The following ITGAM variants were observed in gnomAD, a reference collection of about 807,000 sequenced individuals.
ITGAM encodes integrin subunit alpha M.
Under a neutral mutation model 137.5 loss-of-function variants are expected in ITGAM, and 79 were observed. That is an observed-to-expected ratio of 0.57 (90% confidence interval 0.48 to 0.69). ITGAM has a LOEUF of 0.69. Ranked by LOEUF, ITGAM falls within the 30% of genes least tolerant of loss-of-function variation. The pLI is 0.00. For missense variants in ITGAM, 1,343 were observed against 1,483.5 expected (o/e 0.91, Z 1.56); for synonymous variants, 583 against 592.3 (o/e 0.98, Z 0.23).
intron 14 of ITGAM, among the ~76,000 whole-genome samples, chr16:31,302,354 A>G (rs932318051): frequency 1.3e-5 from 2 of 152,120 alleles, no homozygotes; most frequent in African/African-American, 2.4e-5. Context: ...AATTAGCCAA[A>G]GGAAGAACAA....
chr16:31,331,538 C>T (rs1402285961), intron 29 of ITGAM, 98 bp from the exon 30 acceptor site: 1 of 724,864 alleles, frequency 1.4e-6, no homozygotes, highest in Non-Finnish European at 2.4e-6. Flanking sequence ...TCCTGGGTCC[C>T]TTCTGTCTCT....
chr16:31,293,619 T>C (rs1319797876), intron 12 of ITGAM, among the ~76,000 whole-genome samples: 2 of 152,196 alleles, frequency 1.3e-5, no homozygotes, highest in African/African-American at 4.8e-5. Context: ...ACCAGTATCA[T>C]GCTGTTTTGG....
chr16:31,330,361 C>T lies in ITGAM; in HGVS notation c.3114C>T (p.Gly1038=), dbSNP rs781270444. ...QRIQCDIPFF[G]IQEEFNATLK... ...TCCAGTGTGACATCCCGTTCTTTGG[C>T]ATCCAGGAAGAATTCAATGCTACCC... Residue 1038 remains glycine (G), a synonymous_variant, in exon 27 of 30, where the codon GGC becomes GGT. Coordinates refer to ENST00000544665, the MANE Select transcript of ITGAM (RefSeq NM_000632.4). The T allele has an allele frequency of 3.1e-6, 5 of 1,613,896 alleles. No individual in the cohort carries two copies. The African/African-American group carries it at 5.3e-5, about 17-fold the overall frequency.
chr16:31,275,274 C>G (rs2079894064), intron 8 of ITGAM, among the ~76,000 whole-genome samples: 1 of 151,514 alleles, frequency 6.6e-6, no homozygotes, highest in African/African-American at 2.4e-5. Context: ...GAAAAAGGCT[C>G]CCCTTCCTCT....
chr16:31,331,188 C>A lies in ITGAM; in HGVS notation c.3300C>A (p.Phe1100Leu). The part of the protein sequence containing the change: ...RSQTETKVEP[F>L]EVPNPLPLIV... ...AGACGGAGACCAAAGTGGAGCCGTT[C>A]GAGGTCCCCAACCCCCTGCCGCTCA... The change falls in exon 29 of 30, where the codon TTC (phenylalanine) becomes TTA (leucine). Residue 1100 changes from phenylalanine (F) to leucine (L), a missense_variant. Physicochemically the swap from Phe to Leu is conservative, Grantham distance 22. Coordinates refer to ENST00000544665, the MANE Select transcript of ITGAM (RefSeq NM_000632.4). The A allele has an allele frequency of 1.2e-6, 2 of 1,611,982 alleles. No individual in the cohort carries two copies. Among genetic ancestry groups the A allele is most frequent in the Admixed American group, 1.7e-5 (1 of 59,962 alleles).
intron 2 of ITGAM, among the ~76,000 whole-genome samples, chr16:31,264,993 A>G (rs1394560212): frequency 6.6e-6 from 1 of 151,808 alleles, no homozygotes; most frequent in African/African-American, 2.4e-5. Flanking sequence ...TCAGCCTCCC[A>G]TTTAGCTGGG....
chr16:31,266,689 G>A (rs967916308), intron 5 of ITGAM, among the ~76,000 whole-genome samples: 1 of 152,010 alleles, frequency 6.6e-6, no homozygotes, highest in African/African-American at 2.4e-5. Flanking sequence ...CAACCTGGGT[G>A]ACAGAGCAAG....
At chr16:31,308,189 T>C (rs1349399576) in intron 14 of ITGAM, among the ~76,000 whole-genome samples, 2 of 152,200 alleles carry the variant, frequency 1.3e-5, no homozygotes, top group African/African-American at 2.4e-5. Flanking sequence ...GATTCCCTCT[T>C]TTTCTATTGA....
chr16:31,269,976 G>A (rs2079810576), intron 5 of ITGAM, among the ~76,000 whole-genome samples: 1 of 152,208 alleles, frequency 6.6e-6, no homozygotes, highest in South Asian at 2.1e-4. Flanking sequence ...AGGCCACAGA[G>A]CTGAGCGGCA....
chr16:31,330,420 A>G lies in ITGAM; in HGVS notation c.3173A>G (p.Lys1058Arg). The change falls in exon 27 of 30, where the codon AAG becomes AGG. Residue 1058 changes from lysine to arginine, a missense_variant and splice_region_variant. Lys to Arg is a conservative substitution (Grantham distance 26). Coordinates refer to ENST00000544665, the MANE Select transcript of ITGAM (RefSeq NM_000632.4). The part of the protein sequence containing the change: ...KGNLSFDWYI[K>R]TSHNHLLIVS... Reference sequence around the variant, plus strand: ...AACCTCTCGTTTGACTGGTACATCAAGGTGTGTGGGGTCCTGAGGCTTCGC... The same window carrying G: ...AACCTCTCGTTTGACTGGTACATCAGGGTGTGTGGGGTCCTGAGGCTTCGC... 1 of 1,613,066 alleles carries G rather than the reference A, an allele frequency of 6.2e-7. No homozygotes were observed. The highest frequency in any genetic ancestry group is 8.5e-7 in the Non-Finnish European group (1 of 1,178,998).
intron 14 of ITGAM, among the ~76,000 whole-genome samples, chr16:31,305,054 G>A (rs748550714): frequency 7.2e-5 from 11 of 152,076 alleles, no homozygotes; most frequent in Non-Finnish European, 1.5e-4. Flanking sequence ...GGGCAGTATG[G>A]TCATTTTCAC....
At position 31,275,565 on chromosome 16, in the gene ITGAM, G is replaced by T. The variant is rs61755176; in HGVS notation, c.875G>T (p.Arg292Leu). The change falls in exon 9 of 30, where the codon CGC (arginine) becomes CTC (leucine). Residue 292 changes from arginine to leucine, a missense_variant. Arg to Leu is a moderately radical substitution (Grantham distance 102, BLOSUM62 -2). Transcript: ENST00000544665. ...TGGTAACAGGTGGGAGATGCCTTCC[G>T]CAGTGAGAAATCCCGCCAAGAGCTT... ...RYVIGVGDAFRSEKSRQELNT... is the reference protein window; with the variant it reads ...RYVIGVGDAFLSEKSRQELNT... 1 of 1,613,912 alleles carries T rather than the reference G, an allele frequency of 6.2e-7. No individual in the cohort carries two copies. The highest frequency in any genetic ancestry group is 1.1e-5 in the South Asian group (1 of 91,074).
intron 7 of ITGAM, 134 bp downstream of exon 7, chr16:31,272,126 G>A (rs1370018810): frequency 8.8e-6 from 9 of 1,020,848 alleles, no homozygotes; most frequent in South Asian, 2.9e-5. Flanking sequence ...GAGGCTGTGC[G>A]TGGTGTGTTC....
chr16:31,264,879 A>G (rs946214078), intron 2 of ITGAM, among the ~76,000 whole-genome samples: 1 of 151,776 alleles, frequency 6.6e-6, no homozygotes, highest in African/African-American at 2.4e-5. Context: ...TTATTCATTT[A>G]TTTTTTGGGA....
At chr16:31,264,533 C>T (rs976386143) in intron 2 of ITGAM, among the ~76,000 whole-genome samples, 1 of 151,896 alleles carries the variant, frequency 6.6e-6, no homozygotes, top group Non-Finnish European at 1.5e-5. Flanking sequence ...AATTCTAACA[C>T]TTTGGGAGAC....
At chr16:31,269,956 T>A (rs1040043771) in intron 5 of ITGAM, among the ~76,000 whole-genome samples, 2 of 152,130 alleles carry the variant, frequency 1.3e-5, no homozygotes, top group African/African-American at 4.8e-5. Context: ...TCCCTGCAGG[T>A]TGACCTCCCA....
intron 14 of ITGAM, among the ~76,000 whole-genome samples, chr16:31,309,316 C>T (rs1175485310): frequency 1.3e-5 from 1 of 74,226 alleles, no homozygotes; most frequent in Non-Finnish European, 2.6e-5. Flanking sequence ...TAAGGACTTG[C>T]TTTATGAATC....
chr16:31,314,402 T>G (rs2080368610), intron 14 of ITGAM, among the ~76,000 whole-genome samples: 1 of 152,182 alleles, frequency 6.6e-6, no homozygotes, highest in Admixed American at 6.5e-5. Flanking sequence ...AAGTTAATTT[T>G]TATATAAGGT....
In ITGAM at chr16:31,277,972, G is replaced by A. The variant is rs1273983250; in HGVS notation, c.1219G>A (p.Ala407Thr). Residue 407 changes from alanine to threonine, a missense_variant, in exon 12 of 30, where the codon GCT becomes ACT. By Grantham distance (58) the Ala-to-Thr change is moderately conservative. Transcript: ENST00000544665. ...TCTCAGACCCCCACCTTCAGGTTAT[G>A]CTGCCGCCATCATCTTACGGAACCG... The part of the protein sequence containing the change: ...SDMNDAYLGY[A>T]AAIILRNRVQ... The A allele has an allele frequency of 2.5e-6, 4 of 1,593,806 alleles. No individual in the cohort carries two copies. The highest frequency in any genetic ancestry group is 3.4e-6 in the Non-Finnish European group (4 of 1,170,018).
Sources: allele counts gnomAD v4.1 joint callset (sites outside exome capture counted in the v4.1 genomes callset), GRCh38; gene constraint gnomAD v4.1.1; transcripts MANE v1.5; gene names NCBI Gene and HGNC (gene_info 2026-07-23, HGNC 2026-07-21).